Variants in CENPC observed in about 807,000 individuals in gnomAD.
The protein encoded by CENPC is centromere protein C, also known as CENP-C 1.
Under a neutral mutation model 112.1 loss-of-function variants are expected in CENPC, and 63 were observed. The ratio of observed to expected loss-of-function variants is 0.56; its 90% confidence interval spans 0.46 to 0.69. The LOEUF (loss-of-function observed/expected upper bound fraction) is 0.69, where lower values mean the gene tolerates loss of function less well. Ranked by LOEUF, CENPC falls within the 30% of genes least tolerant of loss-of-function variation. The probability of loss-of-function intolerance (pLI) is 0.00; values close to 1 mark genes in which losing one functional copy is unlikely to be tolerated. For synonymous variants in CENPC, 333 were observed against 367.6 expected (o/e 0.91, Z 1.08); for missense variants, 1,000 against 1,103.8 (o/e 0.91, Z 1.33).
chr4:67,535,025 T>C (rs531909280), intron 4 of CENPC, among the ~76,000 whole-genome samples: 4 of 151,652 alleles, frequency 2.6e-5, no homozygotes, highest in South Asian at 4.2e-4. Flanking sequence ...AGGAAAAAAA[T>C]AGTCACAAAG....
At chr4:67,510,346 G>T (rs1725859102) in intron 9 of CENPC, among the ~76,000 whole-genome samples, 1 of 152,064 alleles carries the variant, frequency 6.6e-6, no homozygotes, top group South Asian at 2.1e-4. Context: ...CATCCTTCAG[G>T]AAGCTTTCCC....
rs983054576 is a variant in CENPC at position 67,508,718 on chromosome 4, A to C, written c.1904+96T>G. 6.9e-5 allele frequency: 79 copies of C among 1,143,258 alleles called. 1 individual carries two copies. The South Asian group carries it at 1.1e-3, about 17-fold the overall frequency. 70.8% of individuals were successfully genotyped at this position (1,143,258 alleles called of 1,614,324 possible). ...GGTATGTCAGAGTGCAGAGCTCTTC[A>C]TGCTAATTACTGCCTGTCCATAAAT... is the stretch of plus-strand genomic sequence containing the variant. On this transcript the variant is annotated intron_variant, in intron 10 of 18. Transcript: ENST00000273853.
At chr4:67,497,804 C>G (rs62301091) in intron 12 of CENPC, among the ~76,000 whole-genome samples, 1 of 21,196 alleles carries the variant, frequency 4.7e-5, no homozygotes, top group Admixed American at 8.9e-4. Context: ...TTGGGTGGCT[C>G]CCAAAGTGAG....
chr4:67,508,746 C>G (rs758774951), intron 10 of CENPC, 68 bp downstream of exon 10: 22 of 1,449,906 alleles, frequency 1.5e-5, no homozygotes, highest in Non-Finnish European at 2.0e-5. Context: ...CCATAAATGA[C>G]TAAATAGCAC....
intron 5 of CENPC, among the ~76,000 whole-genome samples, chr4:67,524,897 G>A (rs2109817859): frequency 6.6e-6 from 1 of 152,254 alleles, no homozygotes; most frequent in South Asian, 2.1e-4. Flanking sequence ...GAACAAAGTG[G>A]AAGGCATCAC....
At chr4:67,535,363 G>A (rs1422419993) in intron 4 of CENPC, among the ~76,000 whole-genome samples, 3 of 151,480 alleles carry the variant, frequency 2.0e-5, no homozygotes, top group Non-Finnish European at 2.9e-5. Context: ...CAATTCAGGA[G>A]AAAAGCAAAG....
chr4:67,527,841 T>C (rs1726429506), intron 5 of CENPC, among the ~76,000 whole-genome samples: 2 of 151,854 alleles, frequency 1.3e-5, no homozygotes, highest in Non-Finnish European at 2.9e-5. Context: ...TACTAGCTAA[T>C]AATAGTAAGA....
At chr4:67,499,572 T>G (rs1272516879) in intron 12 of CENPC, among the ~76,000 whole-genome samples, 1 of 152,258 alleles carries the variant, frequency 6.6e-6, no homozygotes, top group Non-Finnish European at 1.5e-5. Context: ...GGCCTTCCTC[T>G]GGATTAGGCT....
In CENPC at chr4:67,472,409, C is replaced by A. The variant is rs1187477530; in HGVS notation, c.*196G>T. 5.4e-6 allele frequency: 3 copies of A among 560,236 alleles called. No individual in the cohort carries two copies. Among genetic ancestry groups the A allele is most frequent in the Admixed American group, 4.8e-5 (1 of 20,896 alleles). 34.7% of individuals were successfully genotyped at this position (560,236 alleles called of 1,614,324 possible). On this transcript the variant is annotated 3_prime_UTR_variant, in exon 19 of 19. Transcript: ENST00000273853. ...TCATAAATATGGACATCGCTACAAG[C>A]TATTATGTACAGTCACTGAAAAATC...
Position 67,516,528 on chromosome 4 carries a change from C to T in CENPC, c.830+1628G>A, listed in dbSNP as rs372201465. Among the ~76,000 whole-genome samples, 202 of 152,050 alleles carry T rather than the reference C, an allele frequency of 1.3e-3. 1 individual carries two copies. In the South Asian group the frequency reaches 0.017, roughly 13 times the overall value. On this transcript the variant is annotated intron_variant, in intron 7 of 18. Transcript: ENST00000273853. ...CAGAAATGAAAATGCCTTCTCTATT[C>T]CTCTAATCGCAAACTCCTGACAAAT...
intron 12 of CENPC, among the ~76,000 whole-genome samples, chr4:67,497,402 AT>A (rs1434127491): frequency 6.6e-6 from 1 of 152,154 alleles, no homozygotes; most frequent in Non-Finnish European, 1.5e-5. Context: ...AAATAAATAA[AT>A]AAAAATACAG....
At chr4:67,485,924 T>C (rs1182742395) in intron 17 of CENPC, among the ~76,000 whole-genome samples, 6 of 152,154 alleles carry the variant, frequency 3.9e-5, no homozygotes, top group Non-Finnish European at 7.3e-5. Flanking sequence ...CTCAGGCATT[T>C]AGATTACAGA....
Position 67,512,509 on chromosome 4 carries a change from C to A in CENPC, c.1505G>T (p.Ser502Ile), listed in dbSNP as rs1447454684. 6.3e-7 allele frequency: 1 copy of A among 1,584,790 alleles called. No homozygotes were observed. The highest frequency in any genetic ancestry group is 8.6e-7 in the Non-Finnish European group (1 of 1,166,584). ...KEESKKKRFSSESKNKLVPEE... is the reference protein window; with the variant it reads ...KEESKKKRFSIESKNKLVPEE... ...AGGTACAAGTTTGTTCTTGGACTCA[C>A]TGGAAAAGCGCTTCTTTTTAGATTC... Residue 502 changes from serine (S) to isoleucine (I), a missense_variant, in exon 9 of 19, where the codon AGT (serine) becomes ATT (isoleucine). Physicochemically the swap from Ser to Ile is moderately radical, Grantham distance 142. Coordinates refer to ENST00000273853, the MANE Select transcript of CENPC (RefSeq NM_001812.4).
intron 1 of CENPC, among the ~76,000 whole-genome samples, chr4:67,544,434 T>G (rs1726970773): frequency 6.6e-6 from 1 of 152,208 alleles, no homozygotes; most frequent in Non-Finnish European, 1.5e-5. Context: ...ATGGCTTTAT[T>G]GCTTTCTTCT....
intron 2 of CENPC, 93 bp from the exon 3 acceptor site, chr4:67,541,143 A>G (rs115973681): frequency 6.6e-6 from 5 of 760,392 alleles, no homozygotes; most frequent in South Asian, 3.7e-5. Context: ...ATAAAATATA[A>G]ATTTACTTAA....
chr4:67,483,521 C>T (rs938686024), intron 17 of CENPC, among the ~76,000 whole-genome samples: 5 of 151,604 alleles, frequency 3.3e-5, no homozygotes, highest in Non-Finnish European at 7.4e-5. Flanking sequence ...TTATCCATTA[C>T]CTTAGAGTGT....
At chr4:67,512,044 A>T (rs1430527505) in intron 9 of CENPC, 1 of 171,086 alleles carries the variant, frequency 5.8e-6, no homozygotes, top group African/African-American at 2.4e-5. Context: ...AATCTTTTAG[A>T]TTATAAACTC....
At chr4:67,512,901 C>T (rs1054752388) in intron 8 of CENPC, among the ~76,000 whole-genome samples, 3 of 152,016 alleles carry the variant, frequency 2.0e-5, no homozygotes, top group African/African-American at 7.2e-5. Flanking sequence ...TACTGCTTTC[C>T]TGTTTTGAAA....
At chr4:67,499,668 C>T (rs2109786832) in intron 12 of CENPC, among the ~76,000 whole-genome samples, 1 of 152,292 alleles carries the variant, frequency 6.6e-6, no homozygotes, top group South Asian at 2.1e-4. Flanking sequence ...GTTTCCCTTT[C>T]TTATCATTCA....
Sources: allele counts gnomAD v4.1 joint callset (sites outside exome capture counted in the v4.1 genomes callset), GRCh38; gene constraint gnomAD v4.1.1; transcripts MANE v1.5; gene names NCBI Gene and HGNC (gene_info 2026-07-23, HGNC 2026-07-21).